Variants in TPRG1 observed in about 807,000 individuals in gnomAD.
TPRG1 encodes the protein tumor protein p63 regulated 1.
In TPRG1, 29 loss-of-function variants were observed where a neutral mutation model predicts 29.3. That is an observed-to-expected ratio of 0.99 (90% CI 0.74 to 1.35). The LOEUF (loss-of-function observed/expected upper bound fraction) is 1.35. TPRG1 is among the 40% of genes most tolerant of loss of function. The probability of loss-of-function intolerance (pLI) is 0.00; values close to 1 mark genes in which losing one functional copy is unlikely to be tolerated. For missense variants in TPRG1, 327 were observed against 335.0 expected (o/e 0.98, Z 0.19); for synonymous variants, 130 against 116.8 (o/e 1.11, Z -0.73).
upstream of TPRG1, among the ~76,000 whole-genome samples, chr3:189,170,446 C>T (rs988182349): frequency 2.6e-5 from 4 of 152,142 alleles, no homozygotes; most frequent in Admixed American, 1.3e-4. Context: ...GATCTAATGC[C>T]GCCTCCACCG....
intron 5 of TPRG1, among the ~76,000 whole-genome samples, chr3:189,311,075 C>G (rs1218515123): frequency 6.6e-6 from 1 of 152,040 alleles, no homozygotes; most frequent in East Asian, 1.9e-4. Flanking sequence ...ATTTCTTTGT[C>G]TTTAAATTTC....
intron 4 of TPRG1, among the ~76,000 whole-genome samples, chr3:189,271,349 C>A (rs1157131181): frequency 6.6e-6 from 1 of 152,166 alleles, no homozygotes; most frequent in East Asian, 1.9e-4. Context: ...CTAGTTGACT[C>A]CTGCCTGTGT....
chr3:189,315,427 C>T, intron 5 of TPRG1: 1 of 439,614 alleles, frequency 2.3e-6, no homozygotes, highest in South Asian at 1.6e-5. Flanking sequence ...ATTTCATCCA[C>T]TTTGTATTTG....
At chr3:189,236,932 G>C (rs1165626138) in intron 3 of TPRG1, among the ~76,000 whole-genome samples, 2 of 152,174 alleles carry the variant, frequency 1.3e-5, no homozygotes, top group Non-Finnish European at 2.9e-5. Flanking sequence ...TAGTGACACA[G>C]GTCCCTTCCA....
chr3:189,083,389 C>T (rs1054269237), intron 4 of TPRG1, among the ~76,000 whole-genome samples: 1 of 152,152 alleles, frequency 6.6e-6, no homozygotes, highest in Non-Finnish European at 1.5e-5. Flanking sequence ...AAGGGAGGGG[C>T]AGGGAAGATG....
intron 4 of TPRG1, among the ~76,000 whole-genome samples, chr3:189,267,192 A>G (rs1475329364): frequency 6.6e-6 from 1 of 152,216 alleles, no homozygotes; most frequent in Non-Finnish European, 1.5e-5. Context: ...ACATGCTGTT[A>G]CATGTTTATA....
intron 3 of TPRG1, among the ~76,000 whole-genome samples, chr3:189,011,647 C>G (rs769479161): frequency 6.6e-6 from 1 of 152,050 alleles, no homozygotes; most frequent in African/African-American, 2.4e-5. Flanking sequence ...TGGGAAAGAC[C>G]GGCCCCCATG....
intron 4 of TPRG1, among the ~76,000 whole-genome samples, chr3:189,053,448 G>A (rs936218103): frequency 5.3e-5 from 8 of 152,146 alleles, no homozygotes; most frequent in South Asian, 2.1e-4. Context: ...TTGGGCTCCC[G>A]GATAGTATCA....
chr3:189,189,301 T>A (rs1731363655), intron 1 of TPRG1, among the ~76,000 whole-genome samples: 2 of 152,116 alleles, frequency 1.3e-5, no homozygotes, highest in Admixed American at 1.3e-4. Flanking sequence ...AAAAATGCCA[T>A]AGATATCTTT....
chr3:189,056,750 A>G (rs534375726), intron 4 of TPRG1, among the ~76,000 whole-genome samples: 8 of 152,306 alleles, frequency 5.3e-5, no homozygotes, highest in Non-Finnish European at 1.2e-4. Flanking sequence ...GTGCAGACAG[A>G]TGAACAGATT....
At chr3:189,288,234 C>T (rs73889166) in intron 4 of TPRG1, among the ~76,000 whole-genome samples, 12,536 of 151,930 alleles carry the variant, frequency 0.083, 1,317 homozygotes, top group African/African-American at 0.25. Context: ...AAATGAATAA[C>T]ATTGTATGTA....
intron 5 of TPRG1, among the ~76,000 whole-genome samples, chr3:189,315,162 A>T (rs1489876676): frequency 6.6e-6 from 1 of 151,144 alleles, no homozygotes; most frequent in African/African-American, 2.4e-5. Context: ...TTGTCTCTTT[A>T]AAAAAAAATG....
chr3:189,310,533 T>C lies in TPRG1; in HGVS notation c.627T>C (p.Ile209=). The C allele has an allele frequency of 6.2e-7, 1 of 1,609,314 alleles. No homozygotes were observed. Among genetic ancestry groups the C allele is most frequent in the Non-Finnish European group, 8.5e-7 (1 of 1,178,048 alleles). Residue 209 remains isoleucine (I), a synonymous_variant, in exon 5 of 6, where the codon ATT becomes ATC. Coordinates refer to ENST00000345063, the MANE Select transcript of TPRG1 (RefSeq NM_198485.4). ...MKYTSEKFLE[I]CKLSGFMSKL... ...ACACCAGTGAGAAATTCCTTGAAAT[T>C]TGCAAGGTAGGAGGCATCTTGGGTA...
At chr3:189,114,668 G>A (rs1195929244) in intron 1 of TPRG1, among the ~76,000 whole-genome samples, 1 of 152,264 alleles carries the variant, frequency 6.6e-6, no homozygotes, top group East Asian at 1.9e-4. Flanking sequence ...AGGAAGAAGA[G>A]GACTAGTGAT....
chr3:189,100,141 G>T (rs970160122), exon 1 of TPRG1: 9 of 152,436 alleles, frequency 5.9e-5, no homozygotes, highest in Non-Finnish European at 1.3e-4. Flanking sequence ...AAGAGGTCAG[G>T]CCCCAGGAGC....
chr3:189,114,108 T>C (rs1476704613), intron 1 of TPRG1, among the ~76,000 whole-genome samples: 1 of 152,132 alleles, frequency 6.6e-6, no homozygotes, highest in Non-Finnish European at 1.5e-5. Context: ...CCTTATTACA[T>C]GAGGGAGCTT....
intron 3 of TPRG1, among the ~76,000 whole-genome samples, chr3:189,133,091 T>C (rs570618888): frequency 1.1e-4 from 17 of 152,120 alleles, no homozygotes; most frequent in Admixed American, 2.0e-4. Flanking sequence ...GAGAGACTAG[T>C]GTAAAGAAAG....
intron 3 of TPRG1, among the ~76,000 whole-genome samples, chr3:189,008,172 A>G (rs1712405605): frequency 6.6e-6 from 1 of 152,098 alleles, no homozygotes; most frequent in Non-Finnish European, 1.5e-5. Context: ...TTACACATGT[A>G]TCTGCATGTG....
At chr3:189,251,332 G>A (rs142596587) in intron 4 of TPRG1, among the ~76,000 whole-genome samples, 2 of 152,282 alleles carry the variant, frequency 1.3e-5, no homozygotes, top group African/African-American at 4.8e-5. Flanking sequence ...ACAAGTAAAG[G>A]CTGTGGATGA....
Sources: gnomAD v4.1 joint callset for allele counts (sites outside exome capture counted in the v4.1 genomes callset) on GRCh38, gnomAD v4.1.1 for gene constraint, MANE v1.5 for transcripts, NCBI Gene and HGNC (gene_info 2026-07-23, HGNC 2026-07-21) for gene names.